Variants in SPTY2D1 observed in about 807,000 individuals in gnomAD.
SPTY2D1 encodes the protein protein SPT2 homolog.
In SPTY2D1, 21 loss-of-function variants were observed where a neutral mutation model predicts 64.0. The observed-to-expected ratio is 0.33, with a 90% CI of 0.23 to 0.47. The LOEUF (loss-of-function observed/expected upper bound fraction) is 0.47, where lower values mean the gene tolerates loss of function less well. Among genes scored for constraint, SPTY2D1 ranks in the 20% least tolerant of loss-of-function variants. The pLI is 1.00. For missense variants in SPTY2D1, 724 were observed against 837.2 expected (o/e 0.86, Z 1.67); for synonymous variants, 287 against 286.8 (o/e 1.00, Z -0.01).
intron 1 of SPTY2D1, among the ~76,000 whole-genome samples, chr11:18,631,609 A>C (rs951230275): frequency 9.2e-5 from 14 of 151,546 alleles, no homozygotes; most frequent in African/African-American, 3.1e-4. Flanking sequence ...TAACAAAAAA[A>C]AAAAAAAAAC....
chr11:18,615,986 G>C lies in SPTY2D1; in HGVS notation c.288C>G (p.Tyr96Ter). The C allele has an allele frequency of 6.2e-7, 1 of 1,614,074 alleles. No individual in the cohort carries two copies. Among genetic ancestry groups the C allele is most frequent in the Non-Finnish European group, 8.5e-7 (1 of 1,180,024 alleles). The change falls in exon 3 of 6, where the codon TAC becomes TAG. Residue 96 changes from tyrosine (Y) to a stop codon, truncating the protein, a stop_gained. Transcript: ENST00000336349. LOFTEE classifies it high-confidence loss of function. ...ACTTTTCCTCAATAGGAATCCCATTGTAACCATGGAAATTATCCTTTGTCC... is the reference window on the plus strand; with the variant it reads ...ACTTTTCCTCAATAGGAATCCCATTCTAACCATGGAAATTATCCTTTGTCC... ...AKRTKDNFHG[Y>*]NGIPIEEKSK...
chr11:18,612,926 GGCTAATTTTGTATTTTTAGTA>G lies in SPTY2D1; in HGVS notation c.1712-459_1712-439del, dbSNP rs1402686601. 6.6e-6 allele frequency among the ~76,000 whole-genome samples: 1 copy of G among 152,030 alleles called. No individual in the cohort carries two copies. The highest frequency in any genetic ancestry group is 2.4e-5 in the African/African-American group (1 of 41,404). On this transcript the variant is annotated intron_variant, in intron 3 of 5. Transcript: ENST00000336349. The surrounding 1 kb of genome is among the most constrained non-coding windows in gnomAD (Gnocchi z 4.6). ...ATTATAGGCATGTGCCACAACGCCT[GGCTAATTTTGTATTTTTAGTA>G]GAGATGGGGTTTCTCCACGTTGGTC...
rs1387142848 is a variant in SPTY2D1, at chr11:18,607,081, T to C, written c.*2780A>G. Reference sequence around the variant, plus strand: ...TCACACCATGTTGGCCAGGCTGGTCTCGAACTCCTGGTCTCAAGTGATCCG... The same window carrying C: ...TCACACCATGTTGGCCAGGCTGGTCCCGAACTCCTGGTCTCAAGTGATCCG... On this transcript the variant is annotated 3_prime_UTR_variant, in exon 6 of 6. Transcript: ENST00000336349. The C allele has an allele frequency of 1.9e-5, 4 of 211,252 alleles. No homozygotes were observed. The highest frequency in any genetic ancestry group is 3.8e-5 in the Non-Finnish European group (4 of 106,224). The allele number at this position is 211,252 out of a possible 1,614,324, so 13.1% of individuals were successfully genotyped here.
At chr11:18,619,443 G>A in intron 1 of SPTY2D1, among the ~76,000 whole-genome samples, 1 of 133,124 alleles carries the variant, frequency 7.5e-6, no homozygotes, top group African/African-American at 2.8e-5. Flanking sequence ...AACATGGTGA[G>A]AACTCATCTC....
chr11:18,630,228 G>C (rs554093664), intron 1 of SPTY2D1, among the ~76,000 whole-genome samples: 2 of 152,010 alleles, frequency 1.3e-5, no homozygotes, highest in South Asian at 4.1e-4. Flanking sequence ...TGTAATCCCA[G>C]CACTTTGGGA....
chr11:18,618,254 C>G (rs1854333222), intron 1 of SPTY2D1, among the ~76,000 whole-genome samples: 1 of 152,202 alleles, frequency 6.6e-6, no homozygotes, highest in African/African-American at 2.4e-5. Context: ...TTCCCAGCAA[C>G]CTTTAACTGT....
At chr11:18,625,086 T>C (rs1039490816) in intron 1 of SPTY2D1, among the ~76,000 whole-genome samples, 2 of 152,260 alleles carry the variant, frequency 1.3e-5, no homozygotes, top group African/African-American at 4.8e-5. Context: ...TATAAATTTC[T>C]TGATGGCTTT....
chr11:18,617,397 C>G (rs558131777), intron 1 of SPTY2D1, among the ~76,000 whole-genome samples: 59 of 152,082 alleles, frequency 3.9e-4, no homozygotes, highest in African/African-American at 1.4e-3. Context: ...GAGGCGGAGG[C>G]GGGCGAATCA....
chr11:18,632,897 A>G (rs1003648161), intron 1 of SPTY2D1, among the ~76,000 whole-genome samples: 5 of 152,206 alleles, frequency 3.3e-5, no homozygotes, highest in Admixed American at 3.3e-4. Flanking sequence ...AAGATCTAGA[A>G]TGAAATACAG....
chr11:18,612,412 T>A lies in SPTY2D1; in HGVS notation c.1788A>T (p.Glu596Asp). 6.2e-7 allele frequency: 1 copy of A among 1,611,036 alleles called. No individual in the cohort carries two copies. The highest frequency in any genetic ancestry group is 8.5e-7 in the Non-Finnish European group (1 of 1,177,776). Residue 596 changes from glutamate to aspartate, a missense_variant, in exon 4 of 6, where the codon GAA becomes GAT. Physicochemically the swap from Glu to Asp is conservative, Grantham distance 45. Coordinates refer to ENST00000336349, the MANE Select transcript of SPTY2D1 (RefSeq NM_194285.3). This position sits in a 1 kb window ranked among gnomAD's most constrained non-coding sequence, Gnocchi z 4.6. ...EYEEEDDDDD[E>D]YDSEMEDFIE... ...TAAAATCTTCCATTTCAGAGTCGTA[T>A]TCATCATCATCGTCATCTTCCTCTT... is the stretch of plus-strand genomic sequence containing the variant.
chr11:18,628,868 C>T (rs1854540883), intron 1 of SPTY2D1, among the ~76,000 whole-genome samples: 1 of 152,162 alleles, frequency 6.6e-6, no homozygotes, highest in South Asian at 2.1e-4. Flanking sequence ...AAATCGTGGG[C>T]TTTTTTTAAA....
Position 18,616,892 on chromosome 11 carries a change from T to G in SPTY2D1, c.158A>C (p.Glu53Ala). Residue 53 changes from glutamate (E) to alanine (A), a missense_variant, in exon 2 of 6, where the codon GAG becomes GCG. Coordinates refer to ENST00000336349, the MANE Select transcript of SPTY2D1 (RefSeq NM_194285.3). Reference sequence around the variant, plus strand: ...ATACATACCTTTTCGTCTCAGCTCCTCTTCTTTCCTTTTAAGAAAAGCTTG... The same window carrying G: ...ATACATACCTTTTCGTCTCAGCTCCGCTTCTTTCCTTTTAAGAAAAGCTTG... ...AVQAFLKRKE[E>A]ELRRKALEEK... The G allele has an allele frequency of 8.7e-6, 14 of 1,614,130 alleles. No individual in the cohort carries two copies. Among genetic ancestry groups the G allele is most frequent in the Non-Finnish European group, 1.1e-5 (13 of 1,180,008 alleles).
chr11:18,619,753 C>T (rs975503663), intron 1 of SPTY2D1, among the ~76,000 whole-genome samples: 1 of 152,074 alleles, frequency 6.6e-6, no homozygotes, highest in African/African-American at 2.4e-5. Context: ...AAGACTCCGT[C>T]TCAATAAACA....
At position 18,614,715 on chromosome 11, in the gene SPTY2D1, G is replaced by C; in HGVS notation, c.1559C>G (p.Pro520Arg). Residue 520 changes from proline to arginine, a missense_variant, in exon 3 of 6, where the codon CCT becomes CGT. Physicochemically the swap from Pro to Arg is moderately radical, Grantham distance 103 (BLOSUM62 -2). This residue lies in a region of SPTY2D1 where 426 missense variants were observed against 431.8 expected (regional missense o/e 0.99). Transcript: ENST00000336349. ...ACCTGAGCTACTAACTGTTTGCCCA[G>C]GTCCCAAGCTGCTCACTGGTCTTCC... is the stretch of plus-strand genomic sequence containing the variant. The part of the protein sequence containing the change: ...VPGRPVSSLG[P>R]GQTVSSSGPT... The C allele has an allele frequency of 1.2e-6, 2 of 1,614,222 alleles. No individual in the cohort carries two copies. The highest frequency in any genetic ancestry group is 8.5e-7 in the Non-Finnish European group (1 of 1,180,012).
Position 18,609,710 on chromosome 11 carries a change from C to T in SPTY2D1, c.*151G>A. Reference sequence around the variant, plus strand: ...GGAAAATATCTGAAAATATTTTATGCTCAAATGACAGCCTGCAAATGACAG... The same window carrying T: ...GGAAAATATCTGAAAATATTTTATGTTCAAATGACAGCCTGCAAATGACAG... On this transcript the variant is annotated 3_prime_UTR_variant, in exon 6 of 6. Transcript: ENST00000336349. 1 of 654,028 alleles carries T rather than the reference C, an allele frequency of 1.5e-6. No homozygotes were observed. The highest frequency in any genetic ancestry group is 1.9e-5 in the South Asian group (1 of 52,022). The allele number at this position is 654,028 out of a possible 1,614,324, so 40.5% of individuals were successfully genotyped here.
intron 2 of SPTY2D1, 61 bp downstream of exon 2, chr11:18,616,814 T>C (rs961808372): frequency 4.6e-6 from 7 of 1,538,162 alleles, no homozygotes; most frequent in Non-Finnish European, 6.3e-6. Context: ...ACTGGTTTAG[T>C]ACAAGCTAGA....
In SPTY2D1 at chr11:18,614,585, T is replaced by C. The variant is rs759937458; in HGVS notation, c.1689A>G (p.Leu563=). The C allele has an allele frequency of 1.1e-5, 17 of 1,611,214 alleles. No individual in the cohort carries two copies. The highest frequency in any genetic ancestry group is 1.6e-4 in the Middle Eastern group (1 of 6,066). ...NGQMNGMKPP[L]SGYRAAQGPQ... ...TACCTTGGGCAGCTCTGTAGCCAGATAGGGGAGGCTTCATTCCATTCATCT... is the reference window on the plus strand; with the variant it reads ...TACCTTGGGCAGCTCTGTAGCCAGACAGGGGAGGCTTCATTCCATTCATCT... Residue 563 remains leucine, a synonymous_variant, in exon 3 of 6, where the codon CTA becomes CTG. Transcript: ENST00000336349.
At chr11:18,621,654 A>G (rs1327092155) in intron 1 of SPTY2D1, among the ~76,000 whole-genome samples, 1 of 152,224 alleles carries the variant, frequency 6.6e-6, no homozygotes, top group Non-Finnish European at 1.5e-5. Flanking sequence ...CAATAAATCT[A>G]TACAATGTCT....
chr11:18,629,978 G>C (rs972293157), intron 1 of SPTY2D1, among the ~76,000 whole-genome samples: 8 of 151,742 alleles, frequency 5.3e-5, no homozygotes, highest in African/African-American at 1.9e-4. Context: ...AGACCATCCT[G>C]GCCAACATGG....
Sources: gnomAD v4.1 joint callset for allele counts (sites outside exome capture counted in the v4.1 genomes callset) on GRCh38, gnomAD v4.1.1 for gene constraint, gnomAD v4.1.1 regional missense constraint, Gnocchi (gnomAD v3.1) non-coding constraint, MANE v1.5 for transcripts, NCBI Gene and HGNC (gene_info 2026-07-23, HGNC 2026-07-21) for gene names.